ACTL6A: variants seen among roughly 807,000 people sequenced by gnomAD.
ACTL6A encodes actin like 6A.
Under a neutral mutation model 59.2 loss-of-function variants are expected in ACTL6A, and 5 were observed. The ratio of observed to expected loss-of-function variants is 0.08; its 90% CI spans 0.04 to 0.18. ACTL6A has a LOEUF of 0.18. ACTL6A is among the 10% of genes least tolerant of loss of function. ACTL6A has a pLI of 1.00. For missense variants in ACTL6A, 285 were observed against 526.9 expected, an observed-to-expected ratio of 0.54 and a Z score of 4.49; for synonymous variants, 154 against 171.8, an observed-to-expected ratio of 0.90 and a Z score of 0.81.
chr3:179,565,169 C>T (rs1011192255), intron 1 of ACTL6A, among the ~76,000 whole-genome samples: 12 of 151,764 alleles, frequency 7.9e-5, no homozygotes, highest in East Asian at 5.8e-4. Flanking sequence ...TAGAAGGGGC[C>T]GGGTGCGGTG....
chr3:179,563,281 C>A, intron 1 of ACTL6A, 164 bp downstream of exon 1: 1 of 1,219,326 alleles, frequency 8.2e-7, no homozygotes, highest in Non-Finnish European at 1.1e-6. Context: ...GCCCCCGGAG[C>A]CCACCCGGCT....
At chr3:179,585,841 G>C (rs1208574999) in intron 12 of ACTL6A, among the ~76,000 whole-genome samples, 1 of 152,122 alleles carries the variant, frequency 6.6e-6, no homozygotes, top group Non-Finnish European at 1.5e-5. Flanking sequence ...AAGAGAAAAT[G>C]AGAGTCAGAA....
chr3:179,576,907 G>A lies in ACTL6A; in HGVS notation c.762G>A (p.Met254Ile). The A allele has an allele frequency of 6.2e-7, 1 of 1,611,832 alleles. No homozygotes were observed. Among genetic ancestry groups the A allele is most frequent in the Non-Finnish European group, 8.5e-7 (1 of 1,179,008 alleles). ...PQVTRSWHNYMCNCVIQDFQA... is the reference protein window; with the variant it reads ...PQVTRSWHNYICNCVIQDFQA... The stretch of plus-strand genomic sequence containing the variant: ...TTACGAGGTCTTGGCACAATTATAT[G>A]TGTAATGTAAGTAACCCTCATTCTC... Residue 254 changes from methionine to isoleucine, a missense_variant, in exon 8 of 14, where the codon ATG (methionine) becomes ATA (isoleucine). Met to Ile is a conservative substitution (Grantham distance 10). Coordinates refer to ENST00000429709, the MANE Select transcript of ACTL6A (RefSeq NM_004301.5).
intron 12 of ACTL6A, chr3:179,583,719 A>G (rs1386139110): frequency 8.0e-6 from 2 of 249,512 alleles, no homozygotes; most frequent in African/African-American, 2.3e-5. Context: ...GTCTACTAGG[A>G]TGGTTAGACA....
At chr3:179,586,190 C>T (rs1268027704) in intron 12 of ACTL6A, among the ~76,000 whole-genome samples, 1 of 152,090 alleles carries the variant, frequency 6.6e-6, no homozygotes, top group African/African-American at 2.4e-5. Context: ...ATCATATAAT[C>T]GCATGTTAAA....
Position 179,580,510 on chromosome 3 carries a change from C to A in ACTL6A, c.769-130C>A, listed in dbSNP as rs907004499. ...AATCCTTGTTAGGTACATTTATACT[C>A]TTGAAATGATTTACCCATCTAGAAA... On this transcript the variant is annotated intron_variant, in intron 8 of 13. Transcript: ENST00000429709. 18 of 637,368 alleles carry A rather than the reference C, an allele frequency of 2.8e-5. No individual in the cohort carries two copies. The African/African-American group carries it at 3.4e-4, about 12-fold the overall frequency. 39.5% of individuals were successfully genotyped at this position (637,368 alleles called of 1,614,324 possible). A position where few individuals can be genotyped will look rare whatever the true frequency, so the allele number is the denominator to read the frequency against.
At chr3:179,567,104 G>T (rs764438572) in intron 1 of ACTL6A, among the ~76,000 whole-genome samples, 1 of 152,026 alleles carries the variant, frequency 6.6e-6, no homozygotes, top group Non-Finnish European at 1.5e-5. Context: ...GGTAGCTCAC[G>T]TCTATAATCC....
chr3:179,563,608 G>A (rs899638987), intron 1 of ACTL6A, among the ~76,000 whole-genome samples: 3 of 152,202 alleles, frequency 2.0e-5, no homozygotes, highest in Non-Finnish European at 2.9e-5. Context: ...GCCTCAAGCC[G>A]TAGAACTGAC....
chr3:179,580,872 A>G (rs1417431760), intron 9 of ACTL6A, 22 bp from the exon 10 acceptor site: 6 of 1,565,592 alleles, frequency 3.8e-6, no homozygotes, highest in Non-Finnish European at 4.3e-6. Flanking sequence ...CTTTTGTGTA[A>G]TACGGTTTAA....
At chr3:179,572,404 TG>T (rs1280731163) in intron 3 of ACTL6A, among the ~76,000 whole-genome samples, 1 of 152,190 alleles carries the variant, frequency 6.6e-6, no homozygotes, top group Non-Finnish European at 1.5e-5. Context: ...ATTTTTTCTT[TG>T]GGCTGTGACA....
Position 179,563,031 on chromosome 3 carries a change from C to G in ACTL6A, c.-62C>G. On this transcript the variant is annotated 5_prime_UTR_variant, in exon 1 of 14. Transcript: ENST00000429709. ...GCTATCGCTCCTCGAGACTCGCAGTCGCGGCCACTGCAGTCACTTCGCCAG... is the reference window on the plus strand; with the variant it reads ...GCTATCGCTCCTCGAGACTCGCAGTGGCGGCCACTGCAGTCACTTCGCCAG... The G allele has an allele frequency of 6.3e-7, 1 of 1,590,752 alleles. No homozygotes were observed. The highest frequency in any genetic ancestry group is 2.3e-5 in the East Asian group (1 of 44,398).
chr3:179,569,838 C>G lies in ACTL6A; in HGVS notation c.40C>G (p.Leu14Val). 6.2e-7 allele frequency: 1 copy of G among 1,613,956 alleles called. No homozygotes were observed. The highest frequency in any genetic ancestry group is 8.5e-7 in the Non-Finnish European group (1 of 1,179,920). Residue 14 changes from leucine (L) to valine (V), a missense_variant, in exon 2 of 14, where the codon CTT becomes GTT. By Grantham distance (32) the Leu-to-Val change is conservative. Transcript: ENST00000429709. ...AATCTTTTCAGATGAAGTTGGAGCC[C>G]TTGTTTTTGACATTGGATCCTATAC... The part of the protein sequence containing the change: ...GVYGGDEVGA[L>V]VFDIGSYTVR...
chr3:179,567,980 T>A (rs1289775237), intron 1 of ACTL6A, among the ~76,000 whole-genome samples: 1 of 152,084 alleles, frequency 6.6e-6, no homozygotes, highest in African/African-American at 2.4e-5. Context: ...GAGACCAGCC[T>A]GGCCAATATG....
At chr3:179,587,368 C>G (rs1487513939) in intron 13 of ACTL6A, among the ~76,000 whole-genome samples, 1 of 152,264 alleles carries the variant, frequency 6.6e-6, no homozygotes, top group Non-Finnish European at 1.5e-5. Flanking sequence ...ATCAAGCCAT[C>G]ACACCTAAAC....
chr3:179,570,250 T>C lies in ACTL6A; in HGVS notation c.277+9T>C. 1 of 1,606,430 alleles carries C rather than the reference T, an allele frequency of 6.2e-7. No homozygotes were observed. ...TCTAAAAAATGGGATGGGTATGATG[T>C]TTTCCCCATGGAATTGATTATGGAG... On this transcript the variant is annotated intron_variant, in intron 3 of 13. Transcript: ENST00000429709. The surrounding 1 kb of genome is among the most constrained non-coding windows in gnomAD (Gnocchi z 4.3).
intron 3 of ACTL6A, among the ~76,000 whole-genome samples, chr3:179,572,123 G>T (rs537777930): frequency 6.6e-6 from 1 of 152,118 alleles, no homozygotes; most frequent in Non-Finnish European, 1.5e-5. Flanking sequence ...AAAAAAATTG[G>T]AACATGAGAA....
chr3:179,579,985 C>G (rs1342978098), intron 8 of ACTL6A, among the ~76,000 whole-genome samples: 2 of 152,088 alleles, frequency 1.3e-5, no homozygotes, highest in African/African-American at 4.8e-5. Flanking sequence ...GTTGCCCAGG[C>G]TGGTCTTGAA....
intron 1 of ACTL6A, among the ~76,000 whole-genome samples, chr3:179,569,444 T>G (rs1717937596): frequency 6.6e-6 from 1 of 152,244 alleles, no homozygotes; most frequent in African/African-American, 2.4e-5. Flanking sequence ...GTACCATTTC[T>G]TAACTGATTG....
At chr3:179,566,936 G>A (rs1285229649) in intron 1 of ACTL6A, among the ~76,000 whole-genome samples, 2 of 149,634 alleles carry the variant, frequency 1.3e-5, no homozygotes, top group Non-Finnish European at 3.0e-5. Context: ...TAATCTGCCC[G>A]CCTCTGCCTC....
Sources: allele counts gnomAD v4.1 joint callset (sites outside exome capture counted in the v4.1 genomes callset), GRCh38; gene constraint gnomAD v4.1.1; non-coding constraint Gnocchi (gnomAD v3.1); transcripts MANE v1.5; gene names NCBI Gene and HGNC (gene_info 2026-07-23, HGNC 2026-07-21).